Variants in RCL1 observed in about 807,000 individuals in gnomAD.
RCL1 encodes RNA 3'-terminal phosphate cyclase-like protein.
Under a neutral mutation model 42.4 loss-of-function variants are expected in RCL1, and 24 were observed. That is an observed-to-expected ratio of 0.57 (90% CI 0.41 to 0.80). The LOEUF (loss-of-function observed/expected upper bound fraction) is 0.80. RCL1 is among the 30% of genes least tolerant of loss of function. The pLI, the probability that RCL1 is intolerant of heterozygous loss-of-function variation, is 0.00. For synonymous variants in RCL1, 228 were observed against 177.3 expected, an observed-to-expected ratio of 1.29 and a Z score of -2.27; for missense variants, 578 against 467.9, an observed-to-expected ratio of 1.24 and a Z score of -2.17.
At chr9:4,827,483 T>G (rs971094478) in intron 3 of RCL1, 1 of 291,586 alleles carries the variant, frequency 3.4e-6, no homozygotes, top group African/African-American at 2.2e-5. Context: ...TCAAGGGCTT[T>G]CTTCTTCTGA....
At chr9:4,818,871 CAA>C (rs34209971) in intron 1 of RCL1, among the ~76,000 whole-genome samples, 20,218 of 115,074 alleles carry the variant, frequency 0.18, 1,609 homozygotes, top group Non-Finnish European at 0.24. Flanking sequence ...GACTCTGTCT[CAA>C]AAAAAAAAAA....
At chr9:4,826,813 T>G (rs768189678) in intron 2 of RCL1, 45 bp from the exon 3 acceptor site, 37 of 1,528,128 alleles carry the variant, frequency 2.4e-5, no homozygotes, top group Non-Finnish European at 3.0e-5. Flanking sequence ...TGTGACATTT[T>G]AGTTTTTTTC....
intron 1 of RCL1, among the ~76,000 whole-genome samples, chr9:4,806,555 C>G (rs1333529303): frequency 6.7e-6 from 1 of 148,442 alleles, no homozygotes; most frequent in Non-Finnish European, 1.5e-5. Flanking sequence ...ATTGAACCAG[C>G]CTTGCATTCC....
At chr9:4,828,969 C>G (rs1816862516) in intron 3 of RCL1, among the ~76,000 whole-genome samples, 5 of 152,180 alleles carry the variant, frequency 3.3e-5, no homozygotes, top group Admixed American at 2.0e-4. Context: ...CAGCTCATTC[C>G]ATGGCTCCTT....
chr9:4,820,663 T>C (rs553415124), intron 1 of RCL1, among the ~76,000 whole-genome samples: 5 of 152,340 alleles, frequency 3.3e-5, no homozygotes, highest in African/African-American at 1.2e-4. Context: ...CTCTATCCCA[T>C]TTAGACACTT....
intron 1 of RCL1, among the ~76,000 whole-genome samples, chr9:4,813,142 AGTT>A (rs1040444606): frequency 6.6e-6 from 1 of 152,118 alleles, no homozygotes. Context: ...GGCATCCTTG[AGTT>A]GTTCCAGATC....
intron 1 of RCL1, chr9:4,804,674 C>T (rs1843069787): frequency 6.1e-6 from 1 of 163,404 alleles, no homozygotes; most frequent in African/African-American, 2.4e-5. Context: ...TGCCCCTGGC[C>T]TGCATGGCTA....
chr9:4,859,101 C>A (rs1196708892), intron 8 of RCL1, among the ~76,000 whole-genome samples: 1 of 152,172 alleles, frequency 6.6e-6, no homozygotes, highest in Non-Finnish European at 1.5e-5. Flanking sequence ...GTCTTATGGT[C>A]AGGCTAGCTG....
At chr9:4,846,501 G>T (rs1460748187) in intron 7 of RCL1, among the ~76,000 whole-genome samples, 2 of 152,174 alleles carry the variant, frequency 1.3e-5, no homozygotes, top group African/African-American at 4.8e-5. Flanking sequence ...TAAAAGTTTG[G>T]GGTAGATGAT....
chr9:4,799,513 A>T (rs1842964663), intron 1 of RCL1, among the ~76,000 whole-genome samples: 1 of 152,144 alleles, frequency 6.6e-6, no homozygotes. Flanking sequence ...AGGATTCTTC[A>T]TGTCTGTTGC....
At chr9:4,820,146 G>A (rs1816540106) in intron 1 of RCL1, among the ~76,000 whole-genome samples, 1 of 152,172 alleles carries the variant, frequency 6.6e-6, no homozygotes, top group South Asian at 2.1e-4. Flanking sequence ...GTAAAATTGT[G>A]CTTGTTTTTG....
intron 3 of RCL1, among the ~76,000 whole-genome samples, chr9:4,828,397 T>C (rs1587714291): frequency 6.6e-6 from 1 of 152,312 alleles, no homozygotes; most frequent in Non-Finnish European, 1.5e-5. Flanking sequence ...ATTGTTAATA[T>C]GTTCTTAGGC....
At chr9:4,806,552 C>A (rs903941756) in intron 1 of RCL1, among the ~76,000 whole-genome samples, 1 of 149,942 alleles carries the variant, frequency 6.7e-6, no homozygotes, top group African/African-American at 2.5e-5. Context: ...AATATTGAAC[C>A]AGCCTTGCAT....
chr9:4,806,526 C>A (rs1439050231), intron 1 of RCL1, among the ~76,000 whole-genome samples: 1 of 147,710 alleles, frequency 6.8e-6, no homozygotes, highest in Non-Finnish European at 1.5e-5. Flanking sequence ...TGGTGTATTG[C>A]CTTGATTGAT....
intron 5 of RCL1, among the ~76,000 whole-genome samples, chr9:4,834,846 C>T (rs375496647): frequency 6.6e-6 from 1 of 152,060 alleles, no homozygotes; most frequent in Non-Finnish European, 1.5e-5. Context: ...TCCTTTTTTG[C>T]AGATGGGGAA....
intron 1 of RCL1, among the ~76,000 whole-genome samples, chr9:4,813,987 A>G (rs1027720267): frequency 6.6e-6 from 1 of 152,112 alleles, no homozygotes; most frequent in Non-Finnish European, 1.5e-5. Context: ...GAATTGAACA[A>G]TGAGAACACT....
chr9:4,823,826 A>G (rs1309161149), intron 2 of RCL1, among the ~76,000 whole-genome samples: 2 of 152,084 alleles, frequency 1.3e-5, no homozygotes, highest in East Asian at 1.9e-4. Context: ...GGGGACTTAT[A>G]TGAGGAACTC....
rs116907845 is a variant in RCL1 at position 4,802,884 on chromosome 9, G to A, written c.136+9657G>A. ...CGCACAGGCTGGGGTGCAGAGGTGC[G>A]ACCTTAGCCTACTGCAACCTTGAAT... On this transcript the variant is annotated intron_variant, in intron 1 of 8. Coordinates refer to ENST00000381750, the MANE Select transcript of RCL1 (RefSeq NM_005772.5). Among the ~76,000 whole-genome samples the A allele has an allele frequency of 1.6e-4, 25 of 152,190 alleles. No homozygotes were observed. In the East Asian group the frequency reaches 4.4e-3, roughly 27 times the overall value.
intron 1 of RCL1, among the ~76,000 whole-genome samples, chr9:4,820,192 C>G (rs1443850119): frequency 1.3e-5 from 2 of 152,150 alleles, no homozygotes; most frequent in African/African-American, 4.8e-5. Context: ...TACCTGAAAT[C>G]TTGTAGCCCC....
Sources: allele counts gnomAD v4.1 joint callset (sites outside exome capture counted in the v4.1 genomes callset), GRCh38; gene constraint gnomAD v4.1.1; transcripts MANE v1.5; gene names NCBI Gene and HGNC (gene_info 2026-07-23, HGNC 2026-07-21).